Variants in LRP1B observed in about 807,000 individuals in gnomAD.
The protein encoded by LRP1B is LDL receptor related protein 1B.
A neutral mutation model predicts 556.6 loss-of-function variants in LRP1B; 217 were observed. The observed-to-expected ratio is 0.39, with a 90% CI of 0.35 to 0.44. The LOEUF is 0.44. LRP1B is among the 20% of genes least tolerant of loss of function. LRP1B has a pLI of 1.00. For synonymous variants in LRP1B, 2,047 were observed against 1,865.8 expected, an observed-to-expected ratio of 1.10 and a Z score of -2.50; for missense variants, 5,053 against 5,620.8, an observed-to-expected ratio of 0.90 and a Z score of 3.23.
At chr2:141,682,173 T>A (rs1283082914) in intron 2 of LRP1B, among the ~76,000 whole-genome samples, 1 of 152,084 alleles carries the variant, frequency 6.6e-6, no homozygotes, top group Non-Finnish European at 1.5e-5. Flanking sequence ...ATGGAGATGG[T>A]CATAGACTAG....
At chr2:141,136,630 CA>C (rs66495348) in intron 7 of LRP1B, among the ~76,000 whole-genome samples, 88,539 of 128,960 alleles carry the variant, frequency 0.69, 29,652 homozygotes, top group East Asian at 0.88. Flanking sequence ...AAGTGATGAG[CA>C]AAAAAAAAAA....
At chr2:141,672,658 C>T (rs1690716540) in intron 2 of LRP1B, among the ~76,000 whole-genome samples, 1 of 152,132 alleles carries the variant, frequency 6.6e-6, no homozygotes, top group Admixed American at 6.6e-5. Flanking sequence ...TACAGAGAAG[C>T]TTAACCTGTG....
chr2:140,438,866 A>G (rs1686303733), intron 66 of LRP1B, among the ~76,000 whole-genome samples: 1 of 152,228 alleles, frequency 6.6e-6, no homozygotes, highest in Non-Finnish European at 1.5e-5. Flanking sequence ...GAGGAGTGAT[A>G]TGGCAGAGCA....
chr2:141,140,654 G>T (rs909637254), intron 7 of LRP1B, among the ~76,000 whole-genome samples: 3 of 152,124 alleles, frequency 2.0e-5, no homozygotes, highest in Non-Finnish European at 2.9e-5. Context: ...AAGGACAGAC[G>T]TCTTAGGGGA....
intron 1 of LRP1B, among the ~76,000 whole-genome samples, chr2:142,013,638 A>G (rs905314027): frequency 1.3e-5 from 2 of 152,122 alleles, no homozygotes; most frequent in Admixed American, 1.3e-4. Flanking sequence ...GAGTTATGAG[A>G]AGTTTTGAAG....
intron 2 of LRP1B, among the ~76,000 whole-genome samples, chr2:141,761,919 C>T (rs553732625): frequency 2.0e-5 from 3 of 152,222 alleles, no homozygotes; most frequent in African/African-American, 4.8e-5. Flanking sequence ...TGAGTTTGCT[C>T]AGTGCTCCAG....
At chr2:140,350,335 C>T (rs892759689) in intron 77 of LRP1B, among the ~76,000 whole-genome samples, 2 of 151,906 alleles carry the variant, frequency 1.3e-5, no homozygotes, top group Non-Finnish European at 2.9e-5. Context: ...TATCAGGAGT[C>T]AGAAGAAATG....
Position 142,130,993 on chromosome 2 carries a change from G to C in LRP1B, c.-264C>G. The stretch of plus-strand genomic sequence containing the variant: ...CGCGAGCGAGACGCCCGTGTGTCTT[G>C]ACTTTTCAATGCAGGGTACGTCTGA... On this transcript the variant is annotated 5_prime_UTR_variant, in exon 1 of 91. Coordinates refer to ENST00000389484, the MANE Select transcript of LRP1B (RefSeq NM_018557.3). 1.8e-6 allele frequency: 1 copy of C among 543,662 alleles called. No homozygotes were observed. Among genetic ancestry groups the C allele is most frequent in the Non-Finnish European group, 3.3e-6 (1 of 299,860 alleles). The allele number at this position is 543,662 out of a possible 1,614,324, so 33.7% of individuals were successfully genotyped here.
At chr2:141,154,034 G>A (rs1023950278) in intron 7 of LRP1B, among the ~76,000 whole-genome samples, 11 of 151,788 alleles carry the variant, frequency 7.2e-5, no homozygotes, top group African/African-American at 2.7e-4. Flanking sequence ...AAGCTAGAAT[G>A]GAAATGAGGA....
At chr2:140,787,557 G>GTTT (rs1689949168) in intron 32 of LRP1B, among the ~76,000 whole-genome samples, 1 of 81,864 alleles carries the variant, frequency 1.2e-5, no homozygotes, top group Non-Finnish European at 2.2e-5. Flanking sequence ...TAAAACAGAA[G>GTTT]ATTTTTTTTT....
chr2:140,322,214 T>G, intron 81 of LRP1B, 126 bp from the exon 82 acceptor site: 4 of 862,388 alleles, frequency 4.6e-6, no homozygotes, highest in Non-Finnish European at 7.3e-6. Flanking sequence ...AAATTTCCAC[T>G]GATGTGGAGT....
intron 66 of LRP1B, among the ~76,000 whole-genome samples, chr2:140,421,204 A>G (rs1343308612): frequency 2.6e-5 from 4 of 152,124 alleles, no homozygotes; most frequent in African/African-American, 7.2e-5. Flanking sequence ...GCAGTGAGCC[A>G]AGATTGCACC....
intron 1 of LRP1B, among the ~76,000 whole-genome samples, chr2:142,120,646 G>C (rs530813828): frequency 6.6e-6 from 1 of 152,226 alleles, no homozygotes; most frequent in East Asian, 1.9e-4. Flanking sequence ...ATAGGCCAAT[G>C]CCTGTTTCTT....
chr2:141,210,259 A>G (rs1443921285), intron 6 of LRP1B, among the ~76,000 whole-genome samples: 2 of 151,900 alleles, frequency 1.3e-5, no homozygotes, highest in Non-Finnish European at 2.9e-5. Context: ...AGAAAAAAAA[A>G]TGCCCATGTT....
intron 86 of LRP1B, among the ~76,000 whole-genome samples, chr2:140,263,071 A>C (rs541105644): frequency 6.6e-6 from 1 of 152,036 alleles, no homozygotes; most frequent in African/African-American, 2.4e-5. Flanking sequence ...CCACAGGCGC[A>C]CACCACCATG....
chr2:140,748,784 A>ATC (rs1559094627), intron 35 of LRP1B, among the ~76,000 whole-genome samples: 1 of 43,066 alleles, frequency 2.3e-5, no homozygotes, highest in Admixed American at 2.7e-4. Flanking sequence ...ATATGTATAT[A>ATC]ATATATATTA....
intron 3 of LRP1B, among the ~76,000 whole-genome samples, chr2:141,333,989 C>A (rs1043632308): frequency 5.3e-5 from 8 of 152,014 alleles, no homozygotes; most frequent in African/African-American, 7.2e-5. Context: ...TTTATGTTTT[C>A]TTTTTTTCCA....
chr2:140,716,532 C>A (rs1379345125), intron 36 of LRP1B, 150 bp downstream of exon 36: 10 of 689,826 alleles, frequency 1.4e-5, no homozygotes, highest in Admixed American at 3.4e-5. Context: ...TTAGAAGGAG[C>A]GAAGCCAAAA....
chr2:140,942,242 A>G (rs981972563), intron 20 of LRP1B, among the ~76,000 whole-genome samples: 24 of 152,182 alleles, frequency 1.6e-4, no homozygotes, highest in African/African-American at 4.6e-4. Flanking sequence ...GCAAAAATAA[A>G]GAAAAATAAT....
Sources: allele counts gnomAD v4.1 joint callset (sites outside exome capture counted in the v4.1 genomes callset), GRCh38; gene constraint gnomAD v4.1.1; transcripts MANE v1.5; gene names NCBI Gene and HGNC (gene_info 2026-07-23, HGNC 2026-07-21).